Variants in HFM1 observed in about 807,000 individuals in gnomAD.
HFM1 encodes helicase for meiosis 1, also known as probable ATP-dependent DNA helicase HFM1.
A neutral mutation model predicts 192.1 loss-of-function variants in HFM1; 169 were observed. The ratio of observed to expected loss-of-function variants is 0.88; its 90% CI spans 0.78 to 1.00. HFM1 has a LOEUF of 1.00. Among genes scored for constraint, HFM1 ranks in the 50% least tolerant of loss-of-function variants. HFM1 has a pLI of 0.00. For synonymous variants in HFM1, 525 were observed against 537.8 expected (o/e 0.98, Z 0.33); for missense variants, 1,661 against 1,668.0 (o/e 1.00, Z 0.07).
rs1173537405 is a variant in HFM1 at position 91,311,062 on chromosome 1, T to G, written c.3391+2287A>C. Among the ~76,000 whole-genome samples, 4 of 152,082 alleles carry G rather than the reference T, an allele frequency of 2.6e-5. No homozygotes were observed. The East Asian group carries it at 5.8e-4, about 22-fold the overall frequency. On this transcript the variant is annotated intron_variant, in intron 30 of 38. Coordinates refer to ENST00000370425, the MANE Select transcript of HFM1 (RefSeq NM_001017975.6). ...GAAAGTTTGGAACTTCCTAGAGAAT[T>G]GTGGAATGGCTTTGCCCAAAATGCT... is the stretch of plus-strand genomic sequence containing the variant.
At chr1:91,391,117 G>A (rs954429074) in intron 4 of HFM1, among the ~76,000 whole-genome samples, 11 of 152,144 alleles carry the variant, frequency 7.2e-5, no homozygotes, top group African/African-American at 2.7e-4. Flanking sequence ...CAAACAAATG[G>A]AAGAACATTC....
chr1:91,267,248 ATCTT>A lies in HFM1; in HGVS notation c.3883+493_3883+496del, dbSNP rs571877003. Among the ~76,000 whole-genome samples the A allele has an allele frequency of 2.2e-3, 339 of 152,294 alleles. 1 individual carries two copies. Among genetic ancestry groups the A allele is most frequent in the African/African-American group, 7.6e-3 (315 of 41,576 alleles). On this transcript the variant is annotated intron_variant, in intron 35 of 38. Transcript: ENST00000370425. ...AGAATTTCTAGTACAGGAGAAACTAATCTTTCTTTCTTATTTACTTATTTATGTA... is the reference window on the plus strand; with the variant it reads ...AGAATTTCTAGTACAGGAGAAACTAATCTTTCTTATTTACTTATTTATGTA...
intron 30 of HFM1, among the ~76,000 whole-genome samples, chr1:91,297,410 A>C (rs575351286): frequency 6.6e-6 from 1 of 152,294 alleles, no homozygotes; most frequent in Non-Finnish European, 1.5e-5. Flanking sequence ...CTGCAGACTT[A>C]AATGTCCCTG....
chr1:91,304,006 C>T (rs533633450), intron 30 of HFM1, among the ~76,000 whole-genome samples: 2 of 152,044 alleles, frequency 1.3e-5, no homozygotes, highest in Non-Finnish European at 2.9e-5. Flanking sequence ...AGGCGTGCAC[C>T]AACACGCCTG....
At chr1:91,375,825 A>C (rs1387308210) in intron 11 of HFM1, 98 bp from the exon 12 acceptor site, 11 of 866,420 alleles carry the variant, frequency 1.3e-5, no homozygotes, top group Non-Finnish European at 2.0e-5. Context: ...TCAAGCTATA[A>C]AAGTATTTAA....
At chr1:91,309,441 G>C (rs1283712386) in intron 30 of HFM1, among the ~76,000 whole-genome samples, 4 of 152,180 alleles carry the variant, frequency 2.6e-5, no homozygotes, top group South Asian at 2.1e-4. Flanking sequence ...TGAAACAAAT[G>C]AAAGTATATG....
chr1:91,290,766 C>A (rs1443879918), intron 30 of HFM1, among the ~76,000 whole-genome samples: 1 of 151,946 alleles, frequency 6.6e-6, no homozygotes, highest in African/African-American at 2.4e-5. Flanking sequence ...CAGCACCACA[C>A]CACACCTATT....
chr1:91,333,072 C>T (rs191731264), intron 20 of HFM1, among the ~76,000 whole-genome samples: 9 of 152,258 alleles, frequency 5.9e-5, no homozygotes, highest in Admixed American at 1.3e-4. Context: ...AAGAGAGCTA[C>T]TATATGATCC....
chr1:91,386,041 T>C (rs909170449), intron 4 of HFM1, among the ~76,000 whole-genome samples: 3 of 152,192 alleles, frequency 2.0e-5, no homozygotes, highest in Non-Finnish European at 2.9e-5. Context: ...ATAAATCCAT[T>C]TGTGGCAGTC....
intron 30 of HFM1, among the ~76,000 whole-genome samples, chr1:91,299,257 A>C (rs1018986352): frequency 5.3e-5 from 8 of 152,190 alleles, no homozygotes; most frequent in Non-Finnish European, 1.2e-4. Context: ...ATATGCACCC[A>C]ATACAGGAGC....
intron 28 of HFM1, among the ~76,000 whole-genome samples, chr1:91,314,975 A>G (rs1326153124): frequency 6.6e-6 from 1 of 152,206 alleles, no homozygotes; most frequent in East Asian, 1.9e-4. Flanking sequence ...ATACTGGCAC[A>G]ATTAGGAGAT....
rs1666652564 is a variant in HFM1, at chr1:91,274,784, A to C, written c.3614T>G (p.Val1205Gly). The C allele has an allele frequency of 6.4e-7, 1 of 1,572,806 alleles. No homozygotes were observed. The highest frequency in any genetic ancestry group is 8.7e-7 in the Non-Finnish European group (1 of 1,144,826). The change falls in exon 33 of 39, where the codon GTG becomes GGG. Residue 1205 changes from valine (V) to glycine (G), a missense_variant. Transcript: ENST00000370425. ...AGTAAAACCAAACTCTTTAAGGTCC[A>C]CACTTTGAGATTTATTCATCTGTAT... ...LKIQMNKSQSVDLKEFGFTPK... is the reference protein window; with the variant it reads ...LKIQMNKSQSGDLKEFGFTPK...
intron 13 of HFM1, among the ~76,000 whole-genome samples, chr1:91,372,700 G>A (rs112907308): frequency 1.3e-5 from 2 of 152,060 alleles, no homozygotes; most frequent in African/African-American, 4.8e-5. Flanking sequence ...AAAACTGCAC[G>A]TTGTGCACAT....
chr1:91,328,272 T>C, intron 20 of HFM1: 3 of 809,830 alleles, frequency 3.7e-6, no homozygotes, highest in Non-Finnish European at 5.5e-6. Flanking sequence ...GCAGCTAAGC[T>C]GAGGGGGGAA....
intron 34 of HFM1, among the ~76,000 whole-genome samples, chr1:91,273,469 T>C (rs1040201982): frequency 4.6e-5 from 7 of 152,090 alleles, no homozygotes; most frequent in Non-Finnish European, 8.8e-5. Context: ...CCTCATAGTA[T>C]CTTTAAATTA....
chr1:91,350,586 A>T (rs1656796154), intron 18 of HFM1, 152 bp downstream of exon 18: 2 of 583,828 alleles, frequency 3.4e-6, no homozygotes, highest in Non-Finnish European at 5.6e-6. Context: ...CAGCTTGTCT[A>T]CTCTTGTCTC....
intron 4 of HFM1, among the ~76,000 whole-genome samples, chr1:91,390,328 C>T (rs779961409): frequency 6.6e-6 from 1 of 151,002 alleles, no homozygotes; most frequent in Non-Finnish European, 1.5e-5. Flanking sequence ...TCTAGCTACT[C>T]GGGAGGCTGA....
Position 91,304,011 on chromosome 1 carries a change from C to T in HFM1, c.3391+9338G>A, listed in dbSNP as rs555032010. On this transcript the variant is annotated intron_variant, in intron 30 of 38. Transcript: ENST00000370425. ...GTGGGATTACAGGCGTGCACCAACA[C>T]GCCTGGCTAATTTTTGTATTTTTAG... Among the ~76,000 whole-genome samples, 16 of 152,130 alleles carry T rather than the reference C, an allele frequency of 1.1e-4. No individual in the cohort carries two copies. The East Asian group carries it at 1.9e-3, about 18-fold the overall frequency.
At position 91,371,027 on chromosome 1, in the gene HFM1, C is replaced by A. The variant is rs987426141; in HGVS notation, c.1685+4331G>T. On this transcript the variant is annotated intron_variant, in intron 13 of 38. Coordinates refer to ENST00000370425, the MANE Select transcript of HFM1 (RefSeq NM_001017975.6). ...GAGAATAAAATACTTAGGAATCCAA[C>A]TTACAAGGGATGTGAAGGACCTCTT... is the stretch of plus-strand genomic sequence containing the variant. 1.9e-3 allele frequency among the ~76,000 whole-genome samples: 295 copies of A among 151,778 alleles called. 3 individuals carry two copies. The highest frequency in any genetic ancestry group is 6.7e-3 in the African/African-American group (277 of 41,412).
Sources: allele counts gnomAD v4.1 joint callset (sites outside exome capture counted in the v4.1 genomes callset), GRCh38; gene constraint gnomAD v4.1.1; transcripts MANE v1.5; gene names NCBI Gene and HGNC (gene_info 2026-07-23, HGNC 2026-07-21).